Variants in TEX36 observed in about 807,000 individuals in gnomAD.
The protein encoded by TEX36 is testis expressed 36.
A neutral mutation model predicts 13.6 loss-of-function variants in TEX36; 12 were observed. That is an observed-to-expected ratio of 0.88 (90% CI 0.56 to 1.43). The LOEUF (loss-of-function observed/expected upper bound fraction) is 1.43, where lower values mean the gene tolerates loss of function less well. Among genes scored for constraint, TEX36 ranks in the 40% most tolerant of loss-of-function variants. TEX36 has a pLI of 0.00. For synonymous variants in TEX36, 93 were observed against 83.0 expected, an observed-to-expected ratio of 1.12 and a Z score of -0.65; for missense variants, 224 against 228.3, an observed-to-expected ratio of 0.98 and a Z score of 0.12.
At chr10:125,663,806 G>T (rs908085237) in intron 1 of TEX36, among the ~76,000 whole-genome samples, 1 of 152,044 alleles carries the variant, frequency 6.6e-6, no homozygotes, top group African/African-American at 2.4e-5. Context: ...CACATCAGGG[G>T]AAATGGAGGA....
chr10:125,653,907 T>C (rs1846903081), downstream of TEX36, among the ~76,000 whole-genome samples: 1 of 151,946 alleles, frequency 6.6e-6, no homozygotes, highest in African/African-American at 2.4e-5. Flanking sequence ...AGTTTGAGGC[T>C]GCAGTGAGCT....
downstream of TEX36, among the ~76,000 whole-genome samples, chr10:125,618,545 T>C (rs574411476): frequency 2.4e-4 from 36 of 152,134 alleles, 1 homozygote; most frequent in South Asian, 2.9e-3. Flanking sequence ...AGTACCCGGC[T>C]GTGTGAGGTG....
rs1847420035 is a variant in TEX36 at position 125,682,956 on chromosome 10, C to T, written c.34G>A (p.Asp12Asn). ...TTCCTTACCCATCTCCCATCCTTGTCTGAAGGTGGGTTGAAGCGTCGCCCT... is the reference window on the plus strand; with the variant it reads ...TTCCTTACCCATCTCCCATCCTTGTTTGAAGGTGGGTTGAAGCGTCGCCCT... The part of the protein sequence containing the change: ...TKGRRFNPPS[D>N]KDGRWFPHIG... Residue 12 changes from aspartate (D) to asparagine (N), a missense_variant, in exon 1 of 4, where the codon GAC (aspartate) becomes AAC (asparagine). By Grantham distance (23) the Asp-to-Asn change is conservative (BLOSUM62 1). Coordinates refer to ENST00000368821, the MANE Select transcript of TEX36 (RefSeq NM_001128202.3). The T allele has an allele frequency of 6.4e-7, 1 of 1,551,646 alleles. No individual in the cohort carries two copies. The highest frequency in any genetic ancestry group is 8.7e-7 in the Non-Finnish European group (1 of 1,147,020).
intron 3 of TEX36, among the ~76,000 whole-genome samples, chr10:125,632,089 C>T (rs1470804498): frequency 6.6e-6 from 1 of 152,052 alleles, no homozygotes; most frequent in African/African-American, 2.4e-5. Context: ...AGACTGTCCT[C>T]AGGCTGAATG....
intron 2 of TEX36, 69 bp downstream of exon 2, chr10:125,661,777 C>G (rs765559184): frequency 2.6e-6 from 4 of 1,527,282 alleles, no homozygotes; most frequent in African/African-American, 1.4e-5. Flanking sequence ...TTTGGCCCAA[C>G]GTGCCAGCGG....
At chr10:125,583,357 G>A (rs1845906353) in intron 3 of TEX36, among the ~76,000 whole-genome samples, 1 of 151,418 alleles carries the variant, frequency 6.6e-6, no homozygotes, top group African/African-American at 2.4e-5. Context: ...TCAATGTCTG[G>A]TAAGGGCATG....
chr10:125,618,934 G>A (rs1467878453), downstream of TEX36, among the ~76,000 whole-genome samples: 22 of 98,082 alleles, frequency 2.2e-4, no homozygotes, highest in Non-Finnish European at 3.7e-4. Context: ...GTGAAACCCC[G>A]TCTCTACTAA....
chr10:125,616,602 A>G (rs1846362358), intron 3 of TEX36, among the ~76,000 whole-genome samples: 3 of 97,240 alleles, frequency 3.1e-5, no homozygotes, highest in Admixed American at 1.3e-4. Context: ...GTTTTGAGTG[A>G]GATTCTTAAT....
At chr10:125,614,597 T>C (rs1846333734) in intron 3 of TEX36, among the ~76,000 whole-genome samples, 1 of 152,166 alleles carries the variant, frequency 6.6e-6, no homozygotes, top group African/African-American at 2.4e-5. Flanking sequence ...GTTGTAGATA[T>C]GCAGCGTTAT....
At position 125,679,145 on chromosome 10, in the gene TEX36, C is replaced by A. The variant is rs1019869396; in HGVS notation, c.51+3794G>T. The stretch of plus-strand genomic sequence containing the variant: ...GGCTCTGGCTACAGGAGCACCCCCC[C>A]CGCCCCCGCCAAGCTGACAACTTAG... On this transcript the variant is annotated intron_variant, in intron 1 of 3. Transcript: ENST00000368821. Among the ~76,000 whole-genome samples the A allele has an allele frequency of 1.4e-5, 2 of 138,470 alleles. 1 individual carries two copies. Among genetic ancestry groups the A allele is most frequent in the African/African-American group, 6.2e-5 (2 of 32,330 alleles). The allele number at this position is 138,470 out of a possible 152,430, so 90.8% of individuals were successfully genotyped here. A position where few individuals can be genotyped will look rare whatever the true frequency, so the allele number is the denominator to read the frequency against.
chr10:125,645,155 G>C (rs1305629556), intron 3 of TEX36, among the ~76,000 whole-genome samples: 2 of 152,200 alleles, frequency 1.3e-5, no homozygotes, highest in Admixed American at 1.3e-4. Flanking sequence ...CTGGCCTGCA[G>C]GGGCTGTGTG....
chr10:125,655,631 T>C (rs1846926136), downstream of TEX36: 4 of 1,135,048 alleles, frequency 3.5e-6, no homozygotes, highest in Non-Finnish European at 4.3e-6. Flanking sequence ...CTGTATGGTT[T>C]GAAATTTCAA....
At chr10:125,681,345 T>C (rs1245347675) in intron 1 of TEX36, among the ~76,000 whole-genome samples, 1 of 152,260 alleles carries the variant, frequency 6.6e-6, no homozygotes, top group East Asian at 1.9e-4. Context: ...GTAGTCACTT[T>C]AGTCAGCCTT....
At chr10:125,610,316 A>G (rs920283030) in intron 3 of TEX36, among the ~76,000 whole-genome samples, 1 of 152,148 alleles carries the variant, frequency 6.6e-6, no homozygotes. Context: ...TAACTCTTCA[A>G]TTCCTTCCTG....
At chr10:125,618,902 C>G (rs1055761415), downstream of TEX36, among the ~76,000 whole-genome samples, 2 of 129,332 alleles carry the variant, frequency 1.5e-5, no homozygotes, top group East Asian at 4.7e-4. Context: ...GTCAGGAGAT[C>G]GAGACCATCC....
At chr10:125,654,344 T>C (rs1342325288), downstream of TEX36, among the ~76,000 whole-genome samples, 1 of 152,060 alleles carries the variant, frequency 6.6e-6, no homozygotes, top group Non-Finnish European at 1.5e-5. Context: ...GCCAATAGAA[T>C]ATCAAAATAT....
intron 1 of TEX36, chr10:125,667,854 C>T: frequency 6.6e-7 from 1 of 1,510,774 alleles, no homozygotes; most frequent in Non-Finnish European, 9.2e-7. Context: ...GACTCATCTG[C>T]AGCCAGGATG....
chr10:125,583,029 G>C (rs1845901985), intron 3 of TEX36, among the ~76,000 whole-genome samples: 1 of 152,196 alleles, frequency 6.6e-6, no homozygotes, highest in Non-Finnish European at 1.5e-5. Flanking sequence ...TAAGAAACTA[G>C]GAGATGGTCC....
chr10:125,631,408 T>C (rs1391156854), intron 3 of TEX36, among the ~76,000 whole-genome samples: 1 of 152,224 alleles, frequency 6.6e-6, no homozygotes, highest in Non-Finnish European at 1.5e-5. Flanking sequence ...CTCGGCTGTA[T>C]GACGGAGGAG....
Sources: gnomAD v4.1 joint callset for allele counts (sites outside exome capture counted in the v4.1 genomes callset) on GRCh38, gnomAD v4.1.1 for gene constraint, MANE v1.5 for transcripts, NCBI Gene and HGNC (gene_info 2026-07-23, HGNC 2026-07-21) for gene names.